TTC39B: variants seen among roughly 807,000 people sequenced by gnomAD.
TTC39B encodes tetratricopeptide repeat protein 39B.
Under a neutral mutation model 96.6 loss-of-function variants are expected in TTC39B, and 92 were observed. The ratio of observed to expected loss-of-function variants is 0.95; its 90% CI spans 0.80 to 1.13. The LOEUF is 1.13. Ranked by LOEUF, TTC39B falls within the 50% of genes most tolerant of loss-of-function variation. The probability of loss-of-function intolerance (pLI) is 0.00; values close to 1 mark genes in which losing one functional copy is unlikely to be tolerated. For missense variants in TTC39B, 955 were observed against 809.3 expected (o/e 1.18, Z -2.18); for synonymous variants, 367 against 299.4 (o/e 1.23, Z -2.33).
chr9:15,243,857 C>G (rs746861212), intron 2 of TTC39B, among the ~76,000 whole-genome samples: 2 of 152,200 alleles, frequency 1.3e-5, no homozygotes, highest in Non-Finnish European at 2.9e-5. Flanking sequence ...GTGGGCAGCA[C>G]TGTGAAGTGC....
intron 2 of TTC39B, among the ~76,000 whole-genome samples, chr9:15,265,703 C>G (rs916036592): frequency 3.3e-5 from 5 of 152,188 alleles, no homozygotes; most frequent in African/African-American, 1.2e-4. Context: ...ACTACCCATG[C>G]CATGTGACCA....
intron 2 of TTC39B, chr9:15,249,884 C>T: frequency 8.1e-7 from 1 of 1,232,424 alleles, no homozygotes; most frequent in South Asian, 1.4e-5. Context: ...GAATCATAAA[C>T]CCAGGAACTG....
In TTC39B at chr9:15,307,156, C is replaced by T; in HGVS notation, c.168G>A (p.Trp56Ter). The T allele has an allele frequency of 6.2e-7, 1 of 1,605,456 alleles. No homozygotes were observed. The highest frequency in any genetic ancestry group is 1.1e-5 in the South Asian group (1 of 89,694). Reference sequence around the variant, plus strand: ...TCCTCTGGCTGCTGCCACCCAAAAACCAAGCAGGGAACTCAGAGCCGACTC... The same window carrying T: ...TCCTCTGGCTGCTGCCACCCAAAAATCAAGCAGGGAACTCAGAGCCGACTC... The change falls in exon 1 of 20, where the codon TGG becomes TGA. Residue 56 changes from tryptophan to a stop codon, truncating the protein, a stop_gained. Transcript: ENST00000512701. LOFTEE classifies it high-confidence loss of function.
At chr9:15,225,865 G>C in intron 3 of TTC39B, 52 bp downstream of exon 3, 1 of 1,513,334 alleles carries the variant, frequency 6.6e-7, no homozygotes. Flanking sequence ...TTCCTTCAAG[G>C]GTGGGACTGT....
rs76887121 is a variant in TTC39B, at chr9:15,254,165, T to TA, written c.275+13748dup. ...GTCTATAAATTCATAAAACCAGCAT[T>TA]AAAAAAAAAAAGAACCATGCAATGA... On this transcript the variant is annotated intron_variant, in intron 2 of 19. Coordinates refer to ENST00000512701, the Ensembl canonical transcript of TTC39B. 9.9e-3 allele frequency among the ~76,000 whole-genome samples: 1,434 copies of TA among 145,044 alleles called. 6 individuals are homozygous for TA. The highest frequency in any genetic ancestry group is 0.028 in the South Asian group (129 of 4,590).
intron 1 of TTC39B, among the ~76,000 whole-genome samples, chr9:15,275,595 G>T (rs542202702): frequency 2.0e-4 from 31 of 152,294 alleles, no homozygotes; most frequent in African/African-American, 7.2e-4. Flanking sequence ...CTGGGAGAAG[G>T]AGGATACGCC....
intron 2 of TTC39B, among the ~76,000 whole-genome samples, chr9:15,256,549 A>T (rs1458099694): frequency 6.6e-6 from 1 of 152,260 alleles, no homozygotes. Context: ...TTGGAGCTCA[A>T]AAAAACAGAT....
At chr9:15,268,841 T>A (rs1021443493) in intron 1 of TTC39B, among the ~76,000 whole-genome samples, 1 of 152,214 alleles carries the variant, frequency 6.6e-6, no homozygotes, top group Non-Finnish European at 1.5e-5. Flanking sequence ...TACTTCATGT[T>A]TTTGAATAAG....
At chr9:15,300,815 T>G (rs1010891274) in intron 1 of TTC39B, among the ~76,000 whole-genome samples, 7 of 130,690 alleles carry the variant, frequency 5.4e-5, no homozygotes, top group Admixed American at 3.0e-4. Context: ...GAACCCAGGC[T>G]GTGGGGGCAG....
intron 1 of TTC39B, among the ~76,000 whole-genome samples, chr9:15,294,166 G>T (rs1388452198): frequency 6.6e-6 from 1 of 152,008 alleles, no homozygotes; most frequent in Admixed American, 6.6e-5. Context: ...AGGCGAAAAT[G>T]GACTTGCATT....
At chr9:15,230,974 G>C (rs1174192116) in intron 2 of TTC39B, among the ~76,000 whole-genome samples, 3 of 140,716 alleles carry the variant, frequency 2.1e-5, no homozygotes, top group Non-Finnish European at 4.6e-5. Flanking sequence ...GACAGAGTGA[G>C]ACTCCATCTC....
exon 20 of TTC39B, chr9:15,170,289 G>C (rs1270044262): frequency 1.9e-5 from 2 of 104,530 alleles, no homozygotes; most frequent in Admixed American, 9.7e-5. Flanking sequence ...ATGTGGCAGG[G>C]AACGGCAGGA....
intron 8 of TTC39B, among the ~76,000 whole-genome samples, chr9:15,199,239 G>C (rs1232461213): frequency 6.6e-6 from 1 of 152,168 alleles, no homozygotes. Context: ...TCTGGAGTCT[G>C]AACCAAAGAT....
intron 17 of TTC39B, among the ~76,000 whole-genome samples, chr9:15,182,044 G>A (rs778618667): frequency 5.9e-5 from 9 of 152,114 alleles, no homozygotes; most frequent in African/African-American, 9.7e-5. Flanking sequence ...TCTGAGTATC[G>A]TGTAAAGGGA....
chr9:15,301,004 C>A (rs1333114814), intron 1 of TTC39B, among the ~76,000 whole-genome samples: 1 of 151,880 alleles, frequency 6.6e-6, no homozygotes, highest in Non-Finnish European at 1.5e-5. Context: ...CCCAAGTCAG[C>A]CTTTTTGGTT....
intron 17 of TTC39B, among the ~76,000 whole-genome samples, chr9:15,181,815 A>T (rs777288102): frequency 2.6e-5 from 4 of 152,126 alleles, no homozygotes; most frequent in Non-Finnish European, 5.9e-5. Flanking sequence ...CTTTTTTGTC[A>T]TAGTTTTAAG....
At chr9:15,233,741 C>T (rs1414373813) in intron 2 of TTC39B, among the ~76,000 whole-genome samples, 2 of 152,196 alleles carry the variant, frequency 1.3e-5, no homozygotes, top group Non-Finnish European at 2.9e-5. Flanking sequence ...CTTGGCCTCC[C>T]AAAGAGCCGA....
At chr9:15,188,033 G>C in exon 14 of TTC39B, 2 of 1,612,578 alleles carry the variant, frequency 1.2e-6, no homozygotes, top group African/African-American at 1.3e-5. Flanking sequence ...ATCCAGTTTT[G>C]TTGGAAAACA....
chr9:15,235,028 A>AATAC (rs1821708334), intron 2 of TTC39B, among the ~76,000 whole-genome samples: 1 of 150,212 alleles, frequency 6.7e-6, no homozygotes. Flanking sequence ...ATGATCAATA[A>AATAC]ATAAATAAAT....
Sources: gnomAD v4.1 joint callset for allele counts (sites outside exome capture counted in the v4.1 genomes callset) on GRCh38, gnomAD v4.1.1 for gene constraint, MANE v1.5 for transcripts, NCBI Gene and HGNC (gene_info 2026-07-23, HGNC 2026-07-21) for gene names.